Variants in MB21D2 observed in about 807,000 individuals in gnomAD.
MB21D2 encodes the protein Mab-21 domain containing 2.
Under a neutral mutation model 33.3 loss-of-function variants are expected in MB21D2, and 9 were observed. That is an observed-to-expected ratio of 0.27 (90% CI 0.16 to 0.47). MB21D2 has a LOEUF of 0.47. Among genes scored for constraint, MB21D2 ranks in the 20% least tolerant of loss-of-function variants. The probability of loss-of-function intolerance (pLI) is 0.99; values close to 1 mark genes in which losing one functional copy is unlikely to be tolerated. For missense variants in MB21D2, 540 were observed against 624.6 expected (o/e 0.86, Z 1.44); for synonymous variants, 241 against 236.3 (o/e 1.02, Z -0.18).
At chr3:192,874,278 A>G (rs1432665678) in intron 1 of MB21D2, among the ~76,000 whole-genome samples, 2 of 152,226 alleles carry the variant, frequency 1.3e-5, no homozygotes, top group Non-Finnish European at 2.9e-5. Flanking sequence ...GTAAAAAAGA[A>G]GAAAAAGCAT....
At chr3:192,847,224 T>A (rs959203635) in intron 1 of MB21D2, among the ~76,000 whole-genome samples, 1 of 152,234 alleles carries the variant, frequency 6.6e-6, no homozygotes, top group Non-Finnish European at 1.5e-5. Flanking sequence ...TGATTAAATG[T>A]TGAAAATGAA....
At chr3:192,870,427 A>G (rs1010223580) in intron 1 of MB21D2, among the ~76,000 whole-genome samples, 9 of 152,164 alleles carry the variant, frequency 5.9e-5, no homozygotes, top group Non-Finnish European at 1.0e-4. Flanking sequence ...ACACTGGCTC[A>G]TGTCTGTAAT....
intron 1 of MB21D2, among the ~76,000 whole-genome samples, chr3:192,884,370 TTTG>T (rs1174549816): frequency 2.0e-5 from 3 of 152,060 alleles, no homozygotes; most frequent in South Asian, 2.1e-4. Flanking sequence ...GCATGTCTTT[TTTG>T]TTGTTGTTGT....
intron 1 of MB21D2, among the ~76,000 whole-genome samples, chr3:192,899,398 G>A (rs574755323): frequency 1.3e-5 from 2 of 152,166 alleles, no homozygotes; most frequent in South Asian, 2.1e-4. Flanking sequence ...GCATGGTGGC[G>A]GACGCCTGTA....
Position 192,798,899 on chromosome 3 carries a change from C to T in MB21D2, c.963G>A (p.Leu321=). The change falls in exon 2 of 2, where the codon CTG becomes CTA. Residue 321 remains leucine, a synonymous_variant. Transcript: ENST00000392452. The surrounding 1 kb of genome is among the most constrained non-coding windows in gnomAD (Gnocchi z 4.8). The part of the protein sequence containing the change: ...QACKAIIIKL[L]SRPKAISPYH... ...AGGGGCTAATAGCCTTGGGCCGGGA[C>T]AGCAGTTTAATGATGATGGCTTTGC... 3 of 1,613,684 alleles carry T rather than the reference C, an allele frequency of 1.9e-6. No homozygotes were observed. Among genetic ancestry groups the T allele is most frequent in the Non-Finnish European group, 2.5e-6 (3 of 1,179,788 alleles).
intron 1 of MB21D2, among the ~76,000 whole-genome samples, chr3:192,859,920 T>C (rs1713002257): frequency 6.6e-6 from 1 of 152,140 alleles, no homozygotes; most frequent in Non-Finnish European, 1.5e-5. Context: ...CAACGACAGG[T>C]TCCTCTGTCT....
rs1237759320 is a variant in MB21D2 at position 192,799,995 on chromosome 3, C to A, written c.212-345G>T. ...CTGAAAACCTCAGTACATTTCAACT[C>A]TTTGCTGCCCTTCTACTGCCAAATC... is the stretch of plus-strand genomic sequence containing the variant. On this transcript the variant is annotated intron_variant, in intron 1 of 1. Transcript: ENST00000392452. This position sits in a 1 kb window ranked among gnomAD's most constrained non-coding sequence, Gnocchi z 4.1. Among the ~76,000 whole-genome samples, 1 of 152,202 alleles carries A rather than the reference C, an allele frequency of 6.6e-6. No homozygotes were observed. The highest frequency in any genetic ancestry group is 1.5e-5 in the Non-Finnish European group (1 of 68,032).
chr3:192,808,909 G>A (rs937690431), intron 1 of MB21D2, among the ~76,000 whole-genome samples: 6 of 152,204 alleles, frequency 3.9e-5, no homozygotes, highest in Non-Finnish European at 8.8e-5. Flanking sequence ...CACCAGCAAT[G>A]ACACACATAA....
chr3:192,864,602 G>T (rs560073822), intron 1 of MB21D2, among the ~76,000 whole-genome samples: 2 of 152,126 alleles, frequency 1.3e-5, no homozygotes, highest in Non-Finnish European at 2.9e-5. Context: ...GGCCTCCTGG[G>T]TTCAAGCGAT....
chr3:192,886,823 G>A (rs905816748), intron 1 of MB21D2, among the ~76,000 whole-genome samples: 7 of 152,000 alleles, frequency 4.6e-5, no homozygotes, highest in African/African-American at 9.7e-5. Flanking sequence ...CTAAAATAAC[G>A]AAAGAGTAAA....
At position 192,917,854 on chromosome 3, in the gene MB21D2, A is replaced by G. The variant is rs750725423; in HGVS notation, c.-14T>C. On this transcript the variant is annotated 5_prime_UTR_variant, in exon 1 of 2. Transcript: ENST00000392452. ...CGCCATCTTCATGCAAAACGCGCCG[A>G]GTAGCAGCTCCGCGGCAGCGCGGCA... is the stretch of plus-strand genomic sequence containing the variant. 1.4e-5 allele frequency: 23 copies of G among 1,603,990 alleles called. No homozygotes were observed. The highest frequency in any genetic ancestry group is 1.1e-4 in the East Asian group (5 of 44,696).
At chr3:192,800,169 C>T (rs962866287) in intron 1 of MB21D2, among the ~76,000 whole-genome samples, 3 of 152,126 alleles carry the variant, frequency 2.0e-5, no homozygotes, top group African/African-American at 4.8e-5. Flanking sequence ...TTTGTACCAG[C>T]GGTTCTCAGT....
chr3:192,862,145 G>A (rs1713057827), intron 1 of MB21D2, among the ~76,000 whole-genome samples: 1 of 152,172 alleles, frequency 6.6e-6, no homozygotes, highest in Admixed American at 6.5e-5. Flanking sequence ...CAGACTCCCT[G>A]GAAGGAAATG....
rs28582410 is a variant in MB21D2, at chr3:192,884,588, T to G, written c.211+33042A>C. The stretch of plus-strand genomic sequence containing the variant: ...TTCACCGTGTTAGCCAGGATGGTCT[T>G]GATCTCCTGACCTCGTGATCTGCCC... On this transcript the variant is annotated intron_variant, in intron 1 of 1. Coordinates refer to ENST00000392452, the MANE Select transcript of MB21D2 (RefSeq NM_178496.4). Among the ~76,000 whole-genome samples, 196 of 151,726 alleles carry G rather than the reference T, an allele frequency of 1.3e-3. 1 individual carries two copies. The East Asian group carries it at 0.033, about 26-fold the overall frequency.
intron 1 of MB21D2, among the ~76,000 whole-genome samples, chr3:192,822,742 TAATGTA>T (rs1712088828): frequency 6.6e-6 from 1 of 152,200 alleles, no homozygotes; most frequent in Non-Finnish European, 1.5e-5. Flanking sequence ...TTAGAACATC[TAATGTA>T]ACTGCTTCCT....
At chr3:192,857,600 C>A (rs866884203) in intron 1 of MB21D2, among the ~76,000 whole-genome samples, 3 of 151,816 alleles carry the variant, frequency 2.0e-5, no homozygotes, top group African/African-American at 7.3e-5. Context: ...GACTACTCCA[C>A]GTGTACATAA....
At chr3:192,856,644 C>T (rs1712924820) in intron 1 of MB21D2, among the ~76,000 whole-genome samples, 1 of 152,130 alleles carries the variant, frequency 6.6e-6, no homozygotes, top group African/African-American at 2.4e-5. Flanking sequence ...ACCTCTGCCT[C>T]CCAGGCTCAA....
At chr3:192,862,203 A>C (rs1181084490) in intron 1 of MB21D2, among the ~76,000 whole-genome samples, 1 of 152,152 alleles carries the variant, frequency 6.6e-6, no homozygotes, top group Non-Finnish European at 1.5e-5. Flanking sequence ...TTCAACCAAC[A>C]CCCTGAAAGT....
intron 1 of MB21D2, among the ~76,000 whole-genome samples, chr3:192,907,035 A>G (rs1403134611): frequency 6.6e-6 from 1 of 152,262 alleles, no homozygotes; most frequent in African/African-American, 2.4e-5. Context: ...CTTTATTCAT[A>G]GCAGCACTAT....
Sources: gnomAD v4.1 joint callset for allele counts (sites outside exome capture counted in the v4.1 genomes callset) on GRCh38, gnomAD v4.1.1 for gene constraint, Gnocchi (gnomAD v3.1) non-coding constraint, MANE v1.5 for transcripts, NCBI Gene and HGNC (gene_info 2026-07-23, HGNC 2026-07-21) for gene names.